The following NDUFAF6 variants were observed in gnomAD, a reference collection of about 807,000 sequenced individuals.
The protein encoded by NDUFAF6 is NADH:ubiquinone oxidoreductase complex assembly factor 6.
Under a neutral mutation model 40.8 loss-of-function variants are expected in NDUFAF6, and 45 were observed. The observed-to-expected ratio is 1.10, with a 90% CI of 0.87 to 1.42. NDUFAF6 has a LOEUF of 1.42. NDUFAF6 is among the 40% of genes most tolerant of loss of function. NDUFAF6 has a pLI of 0.00. For missense variants in NDUFAF6, 435 were observed against 418.5 expected (o/e 1.04, Z -0.34); for synonymous variants, 185 against 155.9 (o/e 1.19, Z -1.39).
intron 4 of NDUFAF6, among the ~76,000 whole-genome samples, chr8:95,109,807 GA>G: frequency 6.6e-6 from 1 of 152,248 alleles, no homozygotes; most frequent in Non-Finnish European, 1.5e-5. Flanking sequence ...TAAGGAAACT[GA>G]AATTCAGATT....
chr8:94,924,236 A>G (rs543438444), intron 1 of NDUFAF6, among the ~76,000 whole-genome samples: 1 of 151,740 alleles, frequency 6.6e-6, no homozygotes, highest in Non-Finnish European at 1.5e-5. Flanking sequence ...TAATTTTTGT[A>G]TTTTTAGTAG....
At chr8:94,937,649 T>C (rs187629568) in intron 1 of NDUFAF6, among the ~76,000 whole-genome samples, 11 of 152,236 alleles carry the variant, frequency 7.2e-5, no homozygotes, top group African/African-American at 2.2e-4. Flanking sequence ...CATTTTTTTT[T>C]CCTCTACTGG....
chr8:94,965,875 AT>A (rs141224408), intron 1 of NDUFAF6, among the ~76,000 whole-genome samples: 19,881 of 152,104 alleles, frequency 0.13, 1,628 homozygotes, highest in Middle Eastern at 0.23. Context: ...TTTTAGAGAT[AT>A]TTTTTGTCAT....
intron 1 of NDUFAF6, among the ~76,000 whole-genome samples, chr8:94,906,663 C>T (rs187567818): frequency 1.3e-5 from 2 of 152,332 alleles, no homozygotes; most frequent in Admixed American, 1.3e-4. Flanking sequence ...GACATGCTGA[C>T]ACAGAGCAGA....
intron 8 of NDUFAF6, among the ~76,000 whole-genome samples, chr8:95,055,797 A>G (rs926211910): frequency 6.6e-6 from 1 of 152,200 alleles, no homozygotes; most frequent in Non-Finnish European, 1.5e-5. Context: ...ATATTAAATG[A>G]ATATATCTGT....
chr8:94,940,893 A>G, intron 1 of NDUFAF6: 2 of 1,613,906 alleles, frequency 1.2e-6, no homozygotes, highest in Non-Finnish European at 1.7e-6. Flanking sequence ...TCTTGGTTGG[A>G]GGAAGAACTG....
chr8:95,058,252 GA>G lies in NDUFAF6; in HGVS notation c.*316del. 1 of 1,315,878 alleles carries G rather than the reference GA, an allele frequency of 7.6e-7. No homozygotes were observed. The highest frequency in any genetic ancestry group is 9.6e-7 in the Non-Finnish European group (1 of 1,038,226). 81.5% of individuals were successfully genotyped at this position (1,315,878 alleles called of 1,614,324 possible). ...AGCCACACTTGAGCCAGTGGGCAGGGAGAAGGAATGTCATTCTCCCTTCACC... is the reference window on the plus strand; with the variant it reads ...AGCCACACTTGAGCCAGTGGGCAGGGGAAGGAATGTCATTCTCCCTTCACC... On this transcript the variant is annotated 3_prime_UTR_variant, in exon 9 of 9. Coordinates refer to ENST00000396124, the MANE Select transcript of NDUFAF6 (RefSeq NM_152416.4).
At chr8:94,898,973 C>T (rs1282352626) in intron 1 of NDUFAF6, among the ~76,000 whole-genome samples, 1 of 152,174 alleles carries the variant, frequency 6.6e-6, no homozygotes, top group Admixed American at 6.5e-5. Context: ...TAGTATTTCT[C>T]ATGTAACAAG....
chr8:94,995,496 GC>G (rs1826384796), intron 2 of NDUFAF6, among the ~76,000 whole-genome samples: 1 of 152,066 alleles, frequency 6.6e-6, no homozygotes, highest in African/African-American at 2.4e-5. Flanking sequence ...GGGAATGGTG[GC>G]TTGCACCTGT....
At chr8:94,910,386 C>T (rs1294674829) in intron 1 of NDUFAF6, among the ~76,000 whole-genome samples, 3 of 152,192 alleles carry the variant, frequency 2.0e-5, no homozygotes, top group African/African-American at 7.2e-5. Context: ...CTCCTGACCT[C>T]GGGTGAACCA....
In NDUFAF6 at chr8:94,900,195, G is replaced by A. The variant is rs565460538; in HGVS notation, c.-936+4268G>A. 2.6e-5 allele frequency among the ~76,000 whole-genome samples: 4 copies of A among 151,944 alleles called. No homozygotes were observed. In the East Asian group the frequency reaches 7.8e-4, roughly 30 times the overall value. On this transcript the variant is annotated intron_variant, in intron 1 of 14. Transcript: ENST00000396113. The stretch of plus-strand genomic sequence containing the variant: ...TGGGGACAGGGGCTGTCTCTTTCAG[G>A]GCTGGCCTGGGGCCTGGTGGACCGC...
At chr8:95,056,714 G>T (rs542274270) in intron 8 of NDUFAF6, among the ~76,000 whole-genome samples, 1 of 151,986 alleles carries the variant, frequency 6.6e-6, no homozygotes, top group East Asian at 1.9e-4. Context: ...AGACTAGCCT[G>T]GCCAATGTGG....
downstream of NDUFAF6, among the ~76,000 whole-genome samples, chr8:95,104,339 T>C (rs1025230139): frequency 6.6e-6 from 1 of 152,230 alleles, no homozygotes; most frequent in Non-Finnish European, 1.5e-5. Context: ...CAGTTTCAAA[T>C]AGAGCATGGC....
chr8:95,034,015 CTT>C, intron 2 of NDUFAF6: 1 of 457,802 alleles, frequency 2.2e-6, no homozygotes, highest in Admixed American at 2.3e-5. Context: ...AAGGATTACT[CTT>C]GCTGCTGTCT....
upstream of NDUFAF6, among the ~76,000 whole-genome samples, chr8:94,954,457 AT>A (rs1822901883): frequency 6.6e-6 from 1 of 152,210 alleles, no homozygotes; most frequent in Admixed American, 6.5e-5. Flanking sequence ...AGAACCTTCC[AT>A]CTAGTAGAGG....
downstream of NDUFAF6, among the ~76,000 whole-genome samples, chr8:95,118,384 G>A (rs1249718449): frequency 1.3e-5 from 2 of 152,186 alleles, no homozygotes; most frequent in African/African-American, 4.8e-5. Flanking sequence ...TTGGTGCAAT[G>A]AGTAGCATAT....
intron 1 of NDUFAF6, among the ~76,000 whole-genome samples, chr8:94,962,449 T>A (rs1469039889): frequency 6.6e-6 from 1 of 152,098 alleles, no homozygotes; most frequent in Non-Finnish European, 1.5e-5. Context: ...TGTGCCACCA[T>A]GCCTGACTAA....
chr8:95,014,622 T>A (rs1827365660), intron 2 of NDUFAF6, among the ~76,000 whole-genome samples: 1 of 152,240 alleles, frequency 6.6e-6, no homozygotes, highest in East Asian at 1.9e-4. Context: ...GTTTTGTTTA[T>A]GCATCTGTGT....
chr8:94,904,244 C>T (rs954872067), intron 1 of NDUFAF6, among the ~76,000 whole-genome samples: 1 of 148,854 alleles, frequency 6.7e-6, no homozygotes, highest in Non-Finnish European at 1.5e-5. Flanking sequence ...TGTGGGTTCA[C>T]GCCATTCTCC....
Sources: allele counts gnomAD v4.1 joint callset (sites outside exome capture counted in the v4.1 genomes callset), GRCh38; gene constraint gnomAD v4.1.1; transcripts MANE v1.5; gene names NCBI Gene and HGNC (gene_info 2026-07-23, HGNC 2026-07-21).